The following ALG9 variants were observed in gnomAD, a reference collection of about 807,000 sequenced individuals.
ALG9 encodes ALG9 alpha-1,2-mannosyltransferase, also known as alpha-1,2-mannosyltransferase ALG9.
A neutral mutation model predicts 81.8 loss-of-function variants in ALG9; 55 were observed. The observed-to-expected ratio is 0.67, with a 90% CI of 0.54 to 0.84. The LOEUF is 0.84. ALG9 is among the 40% of genes least tolerant of loss of function. ALG9 has a pLI of 0.00. For synonymous variants in ALG9, 278 were observed against 274.3 expected (o/e 1.01, Z -0.13); for missense variants, 629 against 745.0 (o/e 0.84, Z 1.81).
At chr11:111,799,800 A>G (rs1393898315) in intron 14 of ALG9, among the ~76,000 whole-genome samples, 1 of 152,158 alleles carries the variant, frequency 6.6e-6, no homozygotes, top group Non-Finnish European at 1.5e-5. Flanking sequence ...ACCTTACATA[A>G]AAGCAAATTC....
In ALG9 at chr11:111,853,404, T is replaced by G; in HGVS notation, c.871A>C (p.Thr291Pro). Reference sequence around the variant, plus strand: ...CCATAAAGATCAGGTCCATGAGGAGTAAAGACATTATACAAAACAATGTTG... The same window carrying G: ...CCATAAAGATCAGGTCCATGAGGAGGAAAGACATTATACAAAACAATGTTG... Reference protein sequence around the residue: ...PLNIVLYNVFTPHGPDLYGTE... With the variant: ...PLNIVLYNVFPPHGPDLYGTE... Residue 291 changes from threonine to proline, a missense_variant, in exon 8 of 15, where the codon ACT (threonine) becomes CCT (proline). Thr to Pro is a conservative substitution (Grantham distance 38, BLOSUM62 -1). Coordinates refer to ENST00000616540, the MANE Select transcript of ALG9 (RefSeq NM_024740.2). 1 of 1,613,636 alleles carries G rather than the reference T, an allele frequency of 6.2e-7. No homozygotes were observed. The highest frequency in any genetic ancestry group is 1.1e-5 in the South Asian group (1 of 91,052).
Position 111,785,704 on chromosome 11 carries a change from C to A in ALG9, c.*693G>T. ...AAACTGAACAAAAAAGCAATACAAC[C>A]TTATAGTTACAGTTGGTTGTAAAGG... On this transcript the variant is annotated 3_prime_UTR_variant, in exon 15 of 15. Coordinates refer to ENST00000616540, the MANE Select transcript of ALG9 (RefSeq NM_024740.2). The A allele has an allele frequency of 4.5e-6, 1 of 222,706 alleles. No individual in the cohort carries two copies. The highest frequency in any genetic ancestry group is 9.1e-6 in the Non-Finnish European group (1 of 110,256). The allele number at this position is 222,706 out of a possible 1,614,324, so 13.8% of individuals were successfully genotyped here.
At chr11:111,846,021 C>A (rs781808385) in intron 8 of ALG9, among the ~76,000 whole-genome samples, 1 of 152,162 alleles carries the variant, frequency 6.6e-6, no homozygotes, top group East Asian at 1.9e-4. Context: ...AGGCCCAGTT[C>A]ATTAGGGACA....
At chr11:111,810,729 C>T (rs1048852463) in intron 13 of ALG9, among the ~76,000 whole-genome samples, 1 of 152,184 alleles carries the variant, frequency 6.6e-6, no homozygotes, top group Non-Finnish European at 1.5e-5. Context: ...GCATTCCAGC[C>T]TGGGCAAAAG....
At chr11:111,797,886 G>A (rs782013300) in intron 14 of ALG9, among the ~76,000 whole-genome samples, 2 of 152,138 alleles carry the variant, frequency 1.3e-5, no homozygotes, top group African/African-American at 2.4e-5. Context: ...AACATAATAA[G>A]CGTATATGAT....
chr11:111,781,140 C>T (rs1555056757), downstream of ALG9, among the ~76,000 whole-genome samples: 1 of 152,180 alleles, frequency 6.6e-6, no homozygotes, highest in Admixed American at 6.5e-5. Context: ...CTAATAAAAG[C>T]ATCCTTTCTT....
At chr11:111,768,653 G>GTT in the ALG9 span, 7 of 147,194 alleles carry the variant, frequency 4.8e-5, no homozygotes, top group South Asian at 4.2e-4. Context: ...AAATTATTGT[G>GTT]TTGTGTGTGT....
the ALG9 span, among the ~76,000 whole-genome samples, chr11:111,771,615 T>G: frequency 1.3e-5 from 2 of 151,968 alleles, no homozygotes; most frequent in Non-Finnish European, 2.9e-5. Flanking sequence ...CAGACTGTTG[T>G]CCCCCTGAAA....
chr11:111,834,646 C>T (rs1229484337), intron 13 of ALG9, among the ~76,000 whole-genome samples: 1 of 151,964 alleles, frequency 6.6e-6, no homozygotes, highest in Non-Finnish European at 1.5e-5. Flanking sequence ...AGTCCACGCT[C>T]TTTTTTTTAC....
intron 13 of ALG9, among the ~76,000 whole-genome samples, chr11:111,830,777 G>A (rs1214513316): frequency 2.0e-5 from 3 of 152,134 alleles, no homozygotes; most frequent in African/African-American, 2.4e-5. Context: ...AAAGCATGTC[G>A]GGGGAAATCC....
intron 10 of ALG9, among the ~76,000 whole-genome samples, chr11:111,839,067 T>C (rs1409777534): frequency 3.3e-5 from 5 of 152,206 alleles, no homozygotes; most frequent in African/African-American, 1.2e-4. Context: ...GAATCTATCC[T>C]GAGGAATCAA....
At chr11:111,839,351 C>A (rs963584436) in intron 10 of ALG9, among the ~76,000 whole-genome samples, 1 of 151,796 alleles carries the variant, frequency 6.6e-6, no homozygotes, top group African/African-American at 2.4e-5. Context: ...TTTGGGAGGC[C>A]GAGACGGGAG....
rs1370575737 is a variant in ALG9 at position 111,853,421 on chromosome 11, A to G, written c.854T>C (p.Val285Ala). 2 of 1,614,020 alleles carry G rather than the reference A, an allele frequency of 1.2e-6. No homozygotes were observed. The highest frequency in any genetic ancestry group is 1.7e-6 in the Non-Finnish European group (2 of 1,179,996). Residue 285 changes from valine (V) to alanine (A), a missense_variant, in exon 8 of 15, where the codon GTT becomes GCT. Physicochemically the swap from Val to Ala is moderately conservative, Grantham distance 64 (BLOSUM62 0). Around this residue, in one of 3 missense-constraint regions of ALG9, gnomAD observed 344 missense variants for 390.5 expected, o/e 0.88. Coordinates refer to ENST00000616540, the MANE Select transcript of ALG9 (RefSeq NM_024740.2). ...ATGAGGAGTAAAGACATTATACAAA[A>G]CAATGTTGAGTGGTGCAATCACCAA... ...GKLVIAPLNI[V>A]LYNVFTPHGP...
Position 111,853,492 on chromosome 11 carries a change from CA to C in ALG9, c.790-8del, listed in dbSNP as rs1219456744. The C allele has an allele frequency of 6.2e-7, 1 of 1,611,024 alleles. No individual in the cohort carries two copies. The highest frequency in any genetic ancestry group is 8.5e-7 in the Non-Finnish European group (1 of 1,177,414). On this transcript the variant is annotated splice_region_variant and splice_polypyrimidine_tract_variant and intron_variant, in intron 7 of 14. Coordinates refer to ENST00000616540, the MANE Select transcript of ALG9 (RefSeq NM_024740.2). Reference sequence around the variant, plus strand: ...CAATGACCACCACAGGCACCTAAAACAGAGCAGAAAATAGTTTTGATCTAGA... The same window carrying C: ...CAATGACCACCACAGGCACCTAAAACGAGCAGAAAATAGTTTTGATCTAGA...
At position 111,786,413 on chromosome 11, in the gene ALG9, T is replaced by C; in HGVS notation, c.1841A>G (p.Lys614Arg). The change falls in exon 15 of 15, where the codon AAG becomes AGG. Residue 614 changes from lysine (K) to arginine (R), a missense_variant. Coordinates refer to ENST00000616540, the MANE Select transcript of ALG9 (RefSeq NM_024740.2). ...GGTGTGTTGCTAACCTCCACTTTTC[T>C]TCCTGATTTGCTTTGCTTTCCGGGG... Reference protein sequence around the residue: ...LKPRKAKQIRKKSGG With the variant: ...LKPRKAKQIRRKSGG The C allele has an allele frequency of 6.2e-7, 1 of 1,614,082 alleles. No individual in the cohort carries two copies.
In ALG9 at chr11:111,857,739, TG is replaced by T. The variant is rs782039608; in HGVS notation, c.566-3del. The stretch of plus-strand genomic sequence containing the variant: ...TACAGAAGCTACTAGGAAGGAATGC[TG>T]CAAGAGTAAAGAAGTGAAAAAAGGC... On this transcript the variant is annotated splice_region_variant and splice_polypyrimidine_tract_variant and intron_variant, in intron 5 of 14. Transcript: ENST00000616540. The T allele has an allele frequency of 6.2e-7, 1 of 1,613,974 alleles. No homozygotes were observed. Among genetic ancestry groups the T allele is most frequent in the East Asian group, 2.2e-5 (1 of 44,876 alleles).
chr11:111,805,185 G>A (rs553908336), intron 14 of ALG9: 6 of 447,196 alleles, frequency 1.3e-5, no homozygotes, highest in Non-Finnish European at 2.2e-5. Flanking sequence ...CTTATAAGAA[G>A]AGGCTAGAGA....
At chr11:111,818,429 T>C (rs1013262941) in intron 13 of ALG9, among the ~76,000 whole-genome samples, 2 of 152,158 alleles carry the variant, frequency 1.3e-5, no homozygotes, top group Non-Finnish European at 2.9e-5. Flanking sequence ...GATCAAAGTG[T>C]CACTGAGCAG....
intron 4 of ALG9, among the ~76,000 whole-genome samples, chr11:111,863,129 T>C (rs1960930111): frequency 6.6e-6 from 1 of 152,054 alleles, no homozygotes; most frequent in African/African-American, 2.4e-5. Context: ...CCCAGCACTT[T>C]GGGAGGCCGA....
Sources: gnomAD v4.1 joint callset for allele counts (sites outside exome capture counted in the v4.1 genomes callset) on GRCh38, gnomAD v4.1.1 for gene constraint, gnomAD v4.1.1 regional missense constraint, MANE v1.5 for transcripts, NCBI Gene and HGNC (gene_info 2026-07-23, HGNC 2026-07-21) for gene names.